TAF1A: variants seen among roughly 807,000 people sequenced by gnomAD.
TAF1A encodes the protein TATA-box binding protein associated factor, RNA polymerase I subunit A.
TAF1A carries 42 observed loss-of-function variants against 61.6 expected under a neutral mutation model. The observed-to-expected ratio is 0.68, with a 90% CI of 0.53 to 0.88. The LOEUF (loss-of-function observed/expected upper bound fraction) is 0.88. Among genes scored for constraint, TAF1A ranks in the 40% least tolerant of loss-of-function variants. The pLI is 0.00. For missense variants in TAF1A, 424 were observed against 518.7 expected (o/e 0.82, Z 1.77); for synonymous variants, 179 against 177.7 (o/e 1.01, Z -0.06).
chr1:222,581,396 A>G (rs1320642717), intron 3 of TAF1A, among the ~76,000 whole-genome samples: 1 of 152,124 alleles, frequency 6.6e-6, no homozygotes, highest in Non-Finnish European at 1.5e-5. Flanking sequence ...AAGATAACTA[A>G]TTGATGCAAT....
intron 4 of TAF1A, among the ~76,000 whole-genome samples, chr1:222,578,125 A>G (rs1660645197): frequency 6.6e-6 from 1 of 152,220 alleles, no homozygotes; most frequent in Admixed American, 6.5e-5. Context: ...CTTAGAGAAA[A>G]TATCTTAATA....
chr1:222,581,287 A>G lies in TAF1A; in HGVS notation c.292-1415T>C, dbSNP rs754877730. On this transcript the variant is annotated intron_variant, in intron 3 of 10. Coordinates refer to ENST00000352967, the MANE Select transcript of TAF1A (RefSeq NM_005681.4). ...ACAACAAGAGGCTGTAACATGTTCAATGTTTTACAGGAGTATGTAACTTAA... is the reference window on the plus strand; with the variant it reads ...ACAACAAGAGGCTGTAACATGTTCAGTGTTTTACAGGAGTATGTAACTTAA... 9.2e-5 allele frequency among the ~76,000 whole-genome samples: 14 copies of G among 152,214 alleles called. No individual in the cohort carries two copies. In the East Asian group the frequency reaches 9.6e-4, roughly 10 times the overall value.
rs968731602 is a variant in TAF1A at position 222,563,258 on chromosome 1, A to G, written c.1000T>C (p.Phe334Leu). The change falls in exon 9 of 11, where the codon TTT (phenylalanine) becomes CTT (leucine). Residue 334 changes from phenylalanine (F) to leucine (L), a missense_variant. Coordinates refer to ENST00000352967, the MANE Select transcript of TAF1A (RefSeq NM_005681.4). The stretch of plus-strand genomic sequence containing the variant: ...CATCCGGCAAAATCTAAGACTCCAA[A>G]TAATACCTCCAACCCCAGTTTACGG... ...EHRKLGLEVL[F>L]GVLDFAGCTK... The G allele has an allele frequency of 1.2e-5, 20 of 1,613,018 alleles. No individual in the cohort carries two copies. Among genetic ancestry groups the G allele is most frequent in the Non-Finnish European group, 1.7e-5 (20 of 1,179,570 alleles).
chr1:222,580,471 C>T (rs773875121), intron 3 of TAF1A, among the ~76,000 whole-genome samples: 19 of 152,276 alleles, frequency 1.2e-4, no homozygotes, highest in Admixed American at 9.8e-4. Flanking sequence ...CTCTATTTCG[C>T]TAACCTCAAT....
chr1:222,570,142 C>A (rs908806221), intron 6 of TAF1A, among the ~76,000 whole-genome samples: 3 of 152,172 alleles, frequency 2.0e-5, no homozygotes, highest in African/African-American at 7.2e-5. Context: ...TACAATGACT[C>A]TGGGATGACA....
At position 222,564,106 on chromosome 1, in the gene TAF1A, G is replaced by T; in HGVS notation, c.914C>A (p.Pro305Gln). 2 of 1,551,388 alleles carry T rather than the reference G, an allele frequency of 1.3e-6. No individual in the cohort carries two copies. Among genetic ancestry groups the T allele is most frequent in the Non-Finnish European group, 8.8e-7 (1 of 1,130,138 alleles). The stretch of plus-strand genomic sequence containing the variant: ...GAATTCCAACATCAATTTATGAGAT[G>T]GTACAATCTGATACAAAATCTGAAA... ...SVLKILYQIV[P>Q]SHKLMLEFHT... The change falls in exon 8 of 11, where the codon CCA becomes CAA. Residue 305 changes from proline (P) to glutamine (Q), a missense_variant. Pro to Gln is a moderately conservative substitution (Grantham distance 76). Coordinates refer to ENST00000352967, the MANE Select transcript of TAF1A (RefSeq NM_005681.4).
chr1:222,560,022 G>A lies in TAF1A; in HGVS notation c.1241-1250C>T, dbSNP rs1050204838. On this transcript the variant is annotated intron_variant, in intron 10 of 10. Transcript: ENST00000352967. ...AATAAACTAACTCTCAAGTCCATGA[G>A]AGCTGAAGTCACAGGGCAACCAAGT... Among the ~76,000 whole-genome samples the A allele has an allele frequency of 2.6e-5, 4 of 152,100 alleles. No individual in the cohort carries two copies. In the South Asian group the frequency reaches 8.3e-4, roughly 32 times the overall value.
At chr1:222,587,183 A>G (rs186732797) in intron 2 of TAF1A, among the ~76,000 whole-genome samples, 1 of 152,338 alleles carries the variant, frequency 6.6e-6, no homozygotes, top group Admixed American at 6.5e-5. Context: ...TAAAATGAGG[A>G]GAGGAAAGGC....
chr1:222,576,697 C>T (rs1252054035), intron 5 of TAF1A, among the ~76,000 whole-genome samples: 1 of 152,160 alleles, frequency 6.6e-6, no homozygotes, highest in Non-Finnish European at 1.5e-5. Flanking sequence ...AATGAAATGA[C>T]CATCTTGACC....
intron 5 of TAF1A, among the ~76,000 whole-genome samples, chr1:222,573,028 G>A (rs1660422714): frequency 6.6e-6 from 1 of 152,178 alleles, no homozygotes; most frequent in Non-Finnish European, 1.5e-5. Flanking sequence ...CAACACTTTG[G>A]GAGGCTGAGG....
intron 3 of TAF1A, among the ~76,000 whole-genome samples, chr1:222,581,491 A>G (rs928601259): frequency 1.1e-4 from 17 of 152,336 alleles, no homozygotes; most frequent in Admixed American, 9.2e-4. Context: ...ATTTAGCAGT[A>G]TATGCCAGGC....
In TAF1A at chr1:222,558,756, C is replaced by T. The variant is rs778212626; in HGVS notation, c.1257G>A (p.Arg419=). ...TTTGGTGATCTTGCTTTAAAATATA[C>T]CGGAAATATCTACAACCTAAAAAGT... ...LLLGKGCRYF[R]YILKQDHQIL... Residue 419 remains arginine (R), a synonymous_variant, in exon 11 of 11, where the codon CGG becomes CGA. Transcript: ENST00000352967. The T allele has an allele frequency of 1.3e-5, 20 of 1,526,456 alleles. No homozygotes were observed. In the East Asian group the frequency reaches 3.5e-4, roughly 27 times the overall value. The allele number at this position is 1,526,456 out of a possible 1,614,324, so 94.6% of individuals were successfully genotyped here. A position where few individuals can be genotyped will look rare whatever the true frequency, so the allele number is the denominator to read the frequency against.
chr1:222,569,468 G>C lies in TAF1A; in HGVS notation c.894+42C>G, dbSNP rs760916473. 4 of 1,613,332 alleles carry C rather than the reference G, an allele frequency of 2.5e-6. No individual in the cohort carries two copies. The South Asian group carries it at 4.4e-5, about 18-fold the overall frequency. On this transcript the variant is annotated intron_variant, in intron 7 of 10. Coordinates refer to ENST00000352967, the MANE Select transcript of TAF1A (RefSeq NM_005681.4). ...AATGGCCTAAGAATGTTTTAATGTA[G>C]ATTCCCAACCCTGGTCAAACATCGA...
At chr1:222,561,691 T>C (rs1659923593) in intron 9 of TAF1A, among the ~76,000 whole-genome samples, 173 bp from the exon 10 acceptor site, 1 of 152,242 alleles carries the variant, frequency 6.6e-6, no homozygotes. Flanking sequence ...AAGCAAATCC[T>C]TTTTTGTTCT....
intron 5 of TAF1A, 79 bp from the exon 6 acceptor site, chr1:222,570,744 T>G: frequency 7.2e-7 from 1 of 1,398,484 alleles, no homozygotes; most frequent in African/African-American, 1.4e-5. Flanking sequence ...AAAAACTATC[T>G]GCGAGAAAAA....
chr1:222,562,857 CAA>C (rs1197101175), intron 9 of TAF1A, among the ~76,000 whole-genome samples: 2 of 152,250 alleles, frequency 1.3e-5, no homozygotes, highest in East Asian at 1.9e-4. Flanking sequence ...GCACAAATCA[CAA>C]AGAGTCTTTA....
At position 222,589,895 on chromosome 1, in the gene TAF1A, C is replaced by G; in HGVS notation, c.-171G>C. On this transcript the variant is annotated 5_prime_UTR_variant, in exon 1 of 11. Transcript: ENST00000352967. ...GCCCGGCTCGTAACTCCTCCTGCTGCAGCAGGCGTATCGTTGGCCTCGCCT... is the reference window on the plus strand; with the variant it reads ...GCCCGGCTCGTAACTCCTCCTGCTGGAGCAGGCGTATCGTTGGCCTCGCCT... 2.5e-6 allele frequency: 1 copy of G among 396,774 alleles called. No individual in the cohort carries two copies. The highest frequency in any genetic ancestry group is 4.4e-6 in the Non-Finnish European group (1 of 225,472). The allele number at this position is 396,774 out of a possible 1,614,324, so 24.6% of individuals were successfully genotyped here.
rs1302374570 is a variant in TAF1A at position 222,570,440 on chromosome 1, T to A, written c.735+95A>T. ...GCTTTCTTTTAAATAATTTTTTCCATTAGTTTCTTTCTGATCAATAAAGAT... is the reference window on the plus strand; with the variant it reads ...GCTTTCTTTTAAATAATTTTTTCCAATAGTTTCTTTCTGATCAATAAAGAT... On this transcript the variant is annotated intron_variant, in intron 6 of 10. Transcript: ENST00000352967. 4.8e-6 allele frequency: 6 copies of A among 1,255,270 alleles called. No homozygotes were observed. In the African/African-American group the frequency reaches 9.0e-5, roughly 19 times the overall value. 77.8% of individuals were successfully genotyped at this position (1,255,270 alleles called of 1,614,324 possible). A position where few individuals can be genotyped will look rare whatever the true frequency, so the allele number is the denominator to read the frequency against.
chr1:222,574,474 T>C (rs1374941122), intron 5 of TAF1A, among the ~76,000 whole-genome samples: 4 of 152,146 alleles, frequency 2.6e-5, no homozygotes, highest in South Asian at 4.1e-4. Context: ...GCACAAAACA[T>C]ATTCTATGAC....
Sources: gnomAD v4.1 joint callset for allele counts (sites outside exome capture counted in the v4.1 genomes callset) on GRCh38, gnomAD v4.1.1 for gene constraint, MANE v1.5 for transcripts, NCBI Gene and HGNC (gene_info 2026-07-23, HGNC 2026-07-21) for gene names.